The following PTGER2 variants were observed in gnomAD, a reference collection of about 807,000 sequenced individuals.
The protein encoded by PTGER2 is prostaglandin E2 receptor EP2 subtype.
Under a neutral mutation model 26.2 loss-of-function variants are expected in PTGER2, and 22 were observed. That is an observed-to-expected ratio of 0.84 (90% CI 0.60 to 1.20). The LOEUF (loss-of-function observed/expected upper bound fraction) is 1.20, where lower values mean the gene tolerates loss of function less well. Among genes scored for constraint, PTGER2 ranks in the 50% most tolerant of loss-of-function variants. The pLI, the probability that PTGER2 is intolerant of heterozygous loss-of-function variation, is 0.00. For synonymous variants in PTGER2, 219 were observed against 208.9 expected (o/e 1.05, Z -0.42); for missense variants, 458 against 475.2 (o/e 0.96, Z 0.34).
intron 1 of PTGER2, among the ~76,000 whole-genome samples, chr14:52,324,819 T>A (rs1339697398): frequency 6.6e-6 from 1 of 152,136 alleles, no homozygotes; most frequent in Non-Finnish European, 1.5e-5. Flanking sequence ...CGAGGGTCAC[T>A]GAAGTATGTC....
intron 1 of PTGER2, among the ~76,000 whole-genome samples, chr14:52,321,860 GTA>G (rs2033899063): frequency 6.6e-6 from 1 of 152,196 alleles, no homozygotes; most frequent in South Asian, 2.1e-4. Flanking sequence ...AAATCAGATT[GTA>G]TATTAATGGT....
rs1441762695 is a variant in PTGER2, at chr14:52,315,205, T to C, written c.657T>C (p.Ile219=). The C allele has an allele frequency of 1.2e-6, 2 of 1,610,066 alleles. No individual in the cohort carries two copies. The highest frequency in any genetic ancestry group is 1.7e-5 in the Admixed American group (1 of 59,980). ...VSVLACNFSV[I]LNLIRMHRRS... ...TGCTCGCCTGCAACTTCAGTGTCAT[T>C]CTCAACCTCATCCGCATGCACCGCC... The change falls in exon 1 of 2, where the codon ATT becomes ATC. Residue 219 remains isoleucine, a synonymous_variant. Coordinates refer to ENST00000245457, the MANE Select transcript of PTGER2 (RefSeq NM_000956.4).
At chr14:52,321,780 C>T (rs1205067562) in intron 1 of PTGER2, among the ~76,000 whole-genome samples, 1 of 152,210 alleles carries the variant, frequency 6.6e-6, no homozygotes, top group Non-Finnish European at 1.5e-5. Flanking sequence ...TTGCTTGGCA[C>T]CATGCCTAAC....
In PTGER2 at chr14:52,314,530, CTT is replaced by C. The variant is rs2033812020; in HGVS notation, c.-16_-15del. ...AAGGCCGGGAGAGGAGGGCGCATCT[CTT>C]TTCCAGGCACCCCACCATGGGCAAT... On this transcript the variant is annotated 5_prime_UTR_variant, in exon 1 of 2. Transcript: ENST00000245457. This position sits in a 1 kb window ranked among gnomAD's most constrained non-coding sequence, Gnocchi z 5.7. The C allele has an allele frequency of 6.1e-6, 9 of 1,475,322 alleles. No homozygotes were observed. Among genetic ancestry groups the C allele is most frequent in the Non-Finnish European group, 8.1e-6 (9 of 1,114,292 alleles). 91.4% of individuals were successfully genotyped at this position (1,475,322 alleles called of 1,614,324 possible).
At chr14:52,316,078 G>A (rs903805868) in intron 1 of PTGER2, among the ~76,000 whole-genome samples, 11 of 152,210 alleles carry the variant, frequency 7.2e-5, no homozygotes, top group Admixed American at 7.2e-4. Context: ...GAAATACTTG[G>A]AGGAACATCT....
chr14:52,326,544 T>C (rs1214770118), intron 1 of PTGER2, among the ~76,000 whole-genome samples: 2 of 152,320 alleles, frequency 1.3e-5, no homozygotes, highest in African/African-American at 4.8e-5. Flanking sequence ...ATGTCAAAAC[T>C]GAGGCACAAA....
rs1256497891 is a variant in PTGER2 at position 52,314,475 on chromosome 14, C to G, written c.-74C>G. On this transcript the variant is annotated 5_prime_UTR_variant, in exon 1 of 2. Coordinates refer to ENST00000245457, the MANE Select transcript of PTGER2 (RefSeq NM_000956.4). The surrounding 1 kb of genome is among the most constrained non-coding windows in gnomAD (Gnocchi z 5.7). Reference sequence around the variant, plus strand: ...TTTTTCCTCTGAGTCTCGGAACGCTCCGGCTCTCAGACCCTCTTCCTCCCA... The same window carrying G: ...TTTTTCCTCTGAGTCTCGGAACGCTGCGGCTCTCAGACCCTCTTCCTCCCA... 5 of 1,382,248 alleles carry G rather than the reference C, an allele frequency of 3.6e-6. No homozygotes were observed. The highest frequency in any genetic ancestry group is 4.7e-6 in the Non-Finnish European group (5 of 1,061,790). The allele number at this position is 1,382,248 out of a possible 1,614,324, so 85.6% of individuals were successfully genotyped here.
Position 52,314,960 on chromosome 14 carries a change from A to T in PTGER2, c.412A>T (p.Ile138Phe), listed in dbSNP as rs1391979245. ...FAMALERYLS[I>F]GHPYFYQRRV... ...CATGGCCCTGGAGCGCTACCTCTCG[A>T]TCGGGCACCCCTACTTCTACCAGCG... is the stretch of plus-strand genomic sequence containing the variant. Residue 138 changes from isoleucine (I) to phenylalanine (F), a missense_variant, in exon 1 of 2, where the codon ATC becomes TTC. By Grantham distance (21) the Ile-to-Phe change is conservative. Coordinates refer to ENST00000245457, the MANE Select transcript of PTGER2 (RefSeq NM_000956.4). This position sits in a 1 kb window ranked among gnomAD's most constrained non-coding sequence, Gnocchi z 5.7. 8 of 1,613,166 alleles carry T rather than the reference A, an allele frequency of 5.0e-6. No individual in the cohort carries two copies. Among genetic ancestry groups the T allele is most frequent in the African/African-American group, 1.3e-5 (1 of 75,026 alleles).
chr14:52,317,062 A>G (rs2033848572), intron 1 of PTGER2, among the ~76,000 whole-genome samples: 1 of 152,242 alleles, frequency 6.6e-6, no homozygotes, highest in Non-Finnish European at 1.5e-5. Context: ...TATCTATGAA[A>G]GAAAGCATTT....
At chr14:52,315,552 C>A (rs2033832145) in intron 1 of PTGER2, among the ~76,000 whole-genome samples, 161 bp downstream of exon 1, 1 of 152,204 alleles carries the variant, frequency 6.6e-6, no homozygotes, top group South Asian at 2.1e-4. Context: ...GTTTCCCCTC[C>A]TCTTTAGCCC....
chr14:52,327,043 A>T (rs1373304806), intron 1 of PTGER2, among the ~76,000 whole-genome samples, 178 bp from the exon 2 acceptor site: 1 of 152,196 alleles, frequency 6.6e-6, no homozygotes, highest in Non-Finnish European at 1.5e-5. Context: ...TACATTCATT[A>T]TGTTACAGTT....
chr14:52,315,440 A>G lies in PTGER2; in HGVS notation c.843+49A>G, dbSNP rs200754796. On this transcript the variant is annotated intron_variant, in intron 1 of 1. Coordinates refer to ENST00000245457, the MANE Select transcript of PTGER2 (RefSeq NM_000956.4). The stretch of plus-strand genomic sequence containing the variant: ...CAGCCCGGCTCTGCTCAGCCTTCTC[A>G]TGCTCTCCCCTGACGCCTCCACCCT... 22 of 1,601,088 alleles carry G rather than the reference A, an allele frequency of 1.4e-5. No individual in the cohort carries two copies. In the Admixed American group the frequency reaches 2.2e-4, roughly 16 times the overall value.
Position 52,314,458 on chromosome 14 carries a change from C to G in PTGER2, c.-91C>G, listed in dbSNP as rs2033810410. The G allele has an allele frequency of 7.7e-7, 1 of 1,302,734 alleles. No individual in the cohort carries two copies. The highest frequency in any genetic ancestry group is 9.9e-7 in the Non-Finnish European group (1 of 1,009,872). 80.7% of individuals were successfully genotyped at this position (1,302,734 alleles called of 1,614,324 possible). The stretch of plus-strand genomic sequence containing the variant: ...GATTTCGGTCCCTCCCCTTTTTCCT[C>G]TGAGTCTCGGAACGCTCCGGCTCTC... On this transcript the variant is annotated 5_prime_UTR_variant, in exon 1 of 2. Coordinates refer to ENST00000245457, the MANE Select transcript of PTGER2 (RefSeq NM_000956.4). The surrounding 1 kb of genome is among the most constrained non-coding windows in gnomAD (Gnocchi z 5.7).
chr14:52,315,311 T>A lies in PTGER2; in HGVS notation c.763T>A (p.Ser255Thr), dbSNP rs1261927291. Residue 255 changes from serine (S) to threonine (T), a missense_variant, in exon 1 of 2, where the codon TCC becomes ACC. Transcript: ENST00000245457. Reference protein sequence around the residue: ...PGARRRGERVSMAEETDHLIL... With the variant: ...PGARRRGERVTMAEETDHLIL... ...GGCCCGCAGGAGAGGGGAAAGGGTG[T>A]CCATGGCGGAGGAGACGGACCACCT... 11 of 1,612,388 alleles carry A rather than the reference T, an allele frequency of 6.8e-6. No individual in the cohort carries two copies. The highest frequency in any genetic ancestry group is 9.3e-6 in the Non-Finnish European group (11 of 1,179,664).
rs946501377 is a variant in PTGER2, at chr14:52,315,130, C to G, written c.582C>G (p.Thr194=). Residue 194 remains threonine (T), a synonymous_variant, in exon 1 of 2, where the codon ACC becomes ACG. Transcript: ENST00000245457. ...GGTGCTTCATCCGGCACGGGCGGAC[C>G]GCTTACCTGCAGCTGTACGCCACCC... ...GTWCFIRHGR[T]AYLQLYATLL... The G allele has an allele frequency of 1.2e-6, 2 of 1,609,422 alleles. No homozygotes were observed. Among genetic ancestry groups the G allele is most frequent in the Non-Finnish European group, 1.7e-6 (2 of 1,179,948 alleles).
rs898811378 is a variant in PTGER2 at position 52,328,427 on chromosome 14, CATCTT to C, written c.*976_*980del. 1.3e-5 allele frequency: 2 copies of C among 152,564 alleles called. No individual in the cohort carries two copies. The highest frequency in any genetic ancestry group is 2.9e-5 in the Non-Finnish European group (2 of 68,020). 9.5% of individuals were successfully genotyped at this position (152,564 alleles called of 1,614,324 possible). A position where few individuals can be genotyped will look rare whatever the true frequency, so the allele number is the denominator to read the frequency against. ...TTTATTTAGGGAACATGGTTTGACT[CATCTT>C]ATATGGGAAACCATGTAGCAGTGAG... On this transcript the variant is annotated 3_prime_UTR_variant, in exon 2 of 2. Coordinates refer to ENST00000245457, the MANE Select transcript of PTGER2 (RefSeq NM_000956.4).
At chr14:52,325,855 G>A (rs139141338) in intron 1 of PTGER2, among the ~76,000 whole-genome samples, 13 of 152,210 alleles carry the variant, frequency 8.5e-5, no homozygotes, top group African/African-American at 1.9e-4. Context: ...TACCCTTTGC[G>A]CTCTCTGCAA....
At chr14:52,325,060 A>T (rs1300021965) in intron 1 of PTGER2, among the ~76,000 whole-genome samples, 1 of 152,078 alleles carries the variant, frequency 6.6e-6, no homozygotes, top group African/African-American at 2.4e-5. Context: ...AATCACTTGA[A>T]CGCAGGAGGC....
chr14:52,323,143 G>A (rs1400502255), intron 1 of PTGER2, among the ~76,000 whole-genome samples: 12 of 152,124 alleles, frequency 7.9e-5, no homozygotes, highest in African/African-American at 1.9e-4. Flanking sequence ...CCTCTGCCGC[G>A]GCTCCAACCA....
Sources: gnomAD v4.1 joint callset for allele counts (sites outside exome capture counted in the v4.1 genomes callset) on GRCh38, gnomAD v4.1.1 for gene constraint, Gnocchi (gnomAD v3.1) non-coding constraint, MANE v1.5 for transcripts, NCBI Gene and HGNC (gene_info 2026-07-23, HGNC 2026-07-21) for gene names.